Variants in RBFOX1 observed in about 807,000 individuals in gnomAD.
RBFOX1 encodes the protein RNA binding protein fox-1 homolog 1.
Under a neutral mutation model 57.7 loss-of-function variants are expected in RBFOX1, and 8 were observed. The ratio of observed to expected loss-of-function variants is 0.14; its 90% CI spans 0.08 to 0.25. RBFOX1 has a LOEUF of 0.25. Ranked by LOEUF, RBFOX1 falls within the 10% of genes least tolerant of loss-of-function variation. RBFOX1 has a pLI of 1.00. For missense variants in RBFOX1, 611 were observed against 548.5 expected, an observed-to-expected ratio of 1.11 and a Z score of -1.14; for synonymous variants, 326 against 222.4, an observed-to-expected ratio of 1.47 and a Z score of -4.15.
At chr16:5,353,331 T>C (rs1164680785) in intron 1 of RBFOX1, among the ~76,000 whole-genome samples, 1 of 149,124 alleles carries the variant, frequency 6.7e-6, no homozygotes, top group African/African-American at 2.5e-5. Flanking sequence ...TGAGGCAAGA[T>C]CATGCCACTG....
intron 3 of RBFOX1, among the ~76,000 whole-genome samples, chr16:5,616,929 C>T (rs531406073): frequency 1.3e-5 from 2 of 150,638 alleles, no homozygotes; most frequent in South Asian, 4.3e-4. Context: ...TTGGCTCAGC[C>T]AGCTTTCTTT....
At chr16:6,206,918 C>T (rs1489153971) in intron 1 of RBFOX1, among the ~76,000 whole-genome samples, 1 of 151,788 alleles carries the variant, frequency 6.6e-6, no homozygotes, top group African/African-American at 2.4e-5. Flanking sequence ...GCTTTTTCAG[C>T]ACATGGTGAG....
intron 4 of RBFOX1, among the ~76,000 whole-genome samples, chr16:7,152,285 T>C (rs2076251868): frequency 6.6e-6 from 1 of 152,128 alleles, no homozygotes; most frequent in African/African-American, 2.4e-5. Flanking sequence ...TGGAAAGTAT[T>C]CTATCAGTGG....
intron 4 of RBFOX1, among the ~76,000 whole-genome samples, chr16:5,916,146 C>G (rs2058698873): frequency 6.6e-6 from 1 of 152,134 alleles, no homozygotes; most frequent in African/African-American, 2.4e-5. Flanking sequence ...AAACAGGAGA[C>G]CAAGCCTGAA....
chr16:7,712,969 T>C lies in RBFOX1; in HGVS notation c.*2224T>C, dbSNP rs1012560084. ...TTTCCCCCATGACTGTATGTAGTTT[T>C]AATAAAATCATTTAGAGTGAGTGAG... On this transcript the variant is annotated 3_prime_UTR_variant, in exon 16 of 16. Transcript: ENST00000550418. The C allele has an allele frequency of 1.3e-5, 2 of 152,376 alleles. No homozygotes were observed. Among genetic ancestry groups the C allele is most frequent in the East Asian group, 3.9e-4 (2 of 5,190 alleles). 9.4% of individuals were successfully genotyped at this position (152,376 alleles called of 1,614,324 possible).
chr16:5,396,832 T>G (rs1458062361), intron 1 of RBFOX1, among the ~76,000 whole-genome samples: 1 of 152,226 alleles, frequency 6.6e-6, no homozygotes, highest in African/African-American at 2.4e-5. Flanking sequence ...AGTAGATTGA[T>G]TTCTTGAACT....
chr16:5,555,521 G>T (rs949862568), intron 2 of RBFOX1, among the ~76,000 whole-genome samples: 4 of 151,980 alleles, frequency 2.6e-5, no homozygotes, highest in African/African-American at 9.7e-5. Context: ...AAAGTGCTGG[G>T]ATTACAGGCA....
At chr16:5,764,224 A>G (rs1461906221) in intron 3 of RBFOX1, among the ~76,000 whole-genome samples, 1 of 152,178 alleles carries the variant, frequency 6.6e-6, no homozygotes, top group Non-Finnish European at 1.5e-5. Flanking sequence ...ACACCACATC[A>G]TGGTTAGATG....
At chr16:5,512,212 A>T (rs957266724) in intron 2 of RBFOX1, among the ~76,000 whole-genome samples, 1 of 152,164 alleles carries the variant, frequency 6.6e-6, no homozygotes, top group Non-Finnish European at 1.5e-5. Context: ...GCTGGGTGAG[A>T]GGCACACAGT....
At chr16:6,845,015 A>C (rs914390260) in intron 3 of RBFOX1, among the ~76,000 whole-genome samples, 2 of 152,004 alleles carry the variant, frequency 1.3e-5, no homozygotes, top group African/African-American at 2.4e-5. Flanking sequence ...TCCTTTGCCC[A>C]CTTTTTCATG....
chr16:6,865,912 T>G (rs1331364577), intron 3 of RBFOX1, among the ~76,000 whole-genome samples: 1 of 152,112 alleles, frequency 6.6e-6, no homozygotes, highest in Non-Finnish European at 1.5e-5. Context: ...GTTGAAACAT[T>G]ACATGAAAAA....
At chr16:7,665,273 C>T (rs570335458) in intron 13 of RBFOX1, among the ~76,000 whole-genome samples, 3 of 152,136 alleles carry the variant, frequency 2.0e-5, no homozygotes, top group Non-Finnish European at 4.4e-5. Context: ...AAGAAATTGT[C>T]TCTCAAGTTC....
intron 3 of RBFOX1, among the ~76,000 whole-genome samples, chr16:6,676,877 T>G (rs1456980374): frequency 2.6e-5 from 4 of 151,984 alleles, no homozygotes; most frequent in African/African-American, 9.7e-5. Flanking sequence ...GGTTTCACCA[T>G]GTTGGCCATG....
chr16:7,557,186 G>A (rs1450872604), intron 5 of RBFOX1, among the ~76,000 whole-genome samples: 1 of 152,142 alleles, frequency 6.6e-6, no homozygotes, highest in East Asian at 1.9e-4. Flanking sequence ...TGCTACTCAT[G>A]GGGCCGGGTC....
rs145074352 is a variant in RBFOX1, at chr16:5,876,941, A to G, written c.351+9606A>G. On this transcript the variant is annotated intron_variant, in intron 4 of 19. Coordinates refer to the RBFOX1 transcript ENST00000641259. ...GGAGGATATGGGGGAAGGCCTGGAG[A>G]TGCAATGGTTGAAGGGGAGTGCTGG... 2.1e-3 allele frequency among the ~76,000 whole-genome samples: 315 copies of G among 152,244 alleles called. 1 individual carries two copies. The highest frequency in any genetic ancestry group is 7.1e-3 in the African/African-American group (293 of 41,548).
chr16:7,464,772 C>G lies in RBFOX1; in HGVS notation c.28-53375C>G, dbSNP rs559886653. On this transcript the variant is annotated intron_variant, in intron 4 of 15. Transcript: ENST00000550418. ...AGTGCAGTCGCGTGATCTCGGCTCACTTCAAGCTCCGCCTCCCAGGTTCAC... is the reference window on the plus strand; with the variant it reads ...AGTGCAGTCGCGTGATCTCGGCTCAGTTCAAGCTCCGCCTCCCAGGTTCAC... Among the ~76,000 whole-genome samples, 946 of 126,734 alleles carry G rather than the reference C, an allele frequency of 7.5e-3. 8 individuals are homozygous for G. Among genetic ancestry groups the G allele is most frequent in the African/African-American group, 0.026 (875 of 33,902 alleles). 83.1% of individuals were successfully genotyped at this position (126,734 alleles called of 152,430 possible).
intron 4 of RBFOX1, among the ~76,000 whole-genome samples, chr16:7,446,795 G>GTTTTTT (rs1567209049): frequency 2.6e-4 from 33 of 128,130 alleles, no homozygotes; most frequent in African/African-American, 9.4e-4. Context: ...GGTAGGTCTA[G>GTTTTTT]GTATTTTTTT....
At chr16:5,438,549 C>A (rs1028714639) in intron 1 of RBFOX1, among the ~76,000 whole-genome samples, 3 of 152,138 alleles carry the variant, frequency 2.0e-5, no homozygotes, top group African/African-American at 7.2e-5. Context: ...GGAAAGGCTC[C>A]CCACCCAGCT....
intron 4 of RBFOX1, among the ~76,000 whole-genome samples, chr16:7,324,580 G>T (rs968231449): frequency 6.6e-5 from 10 of 152,214 alleles, no homozygotes; most frequent in Admixed American, 4.6e-4. Flanking sequence ...GAGATGATGT[G>T]CAGGGTTGAT....
Sources: gnomAD v4.1 joint callset for allele counts (sites outside exome capture counted in the v4.1 genomes callset) on GRCh38, gnomAD v4.1.1 for gene constraint, MANE v1.5 for transcripts, NCBI Gene and HGNC (gene_info 2026-07-23, HGNC 2026-07-21) for gene names.